Variants in PDZD2 observed in about 807,000 individuals in gnomAD.
PDZD2 encodes PDZ domain-containing protein 2.
PDZD2 carries 90 observed loss-of-function variants against 220.7 expected under a neutral mutation model. That is an observed-to-expected ratio of 0.41 (90% CI 0.34 to 0.49). The LOEUF is 0.49. Ranked by LOEUF, PDZD2 falls within the 20% of genes least tolerant of loss-of-function variation. The pLI is 0.28. For missense variants in PDZD2, 3,174 were observed against 3,608.5 expected, an observed-to-expected ratio of 0.88 and a Z score of 3.08; for synonymous variants, 1,375 against 1,450.5, an observed-to-expected ratio of 0.95 and a Z score of 1.18.
At chr5:31,701,704 T>C (rs763472827) in intron 1 of PDZD2, among the ~76,000 whole-genome samples, 48 of 152,286 alleles carry the variant, frequency 3.2e-4, no homozygotes, top group Middle Eastern at 3.4e-3. Context: ...TGCCACACAT[T>C]TGCATCTGGG....
At chr5:31,892,250 T>C (rs1441451553) in intron 2 of PDZD2, among the ~76,000 whole-genome samples, 1 of 152,118 alleles carries the variant, frequency 6.6e-6, no homozygotes, top group Non-Finnish European at 1.5e-5. Flanking sequence ...TACCTTCTCC[T>C]CAAGGTCTAT....
At chr5:31,846,294 C>A (rs1580877678) in intron 2 of PDZD2, among the ~76,000 whole-genome samples, 1 of 152,260 alleles carries the variant, frequency 6.6e-6, no homozygotes, top group East Asian at 1.9e-4. Context: ...CCACTGCACC[C>A]AGCTAATTTT....
chr5:32,003,796 C>T (rs1306459557), intron 5 of PDZD2, among the ~76,000 whole-genome samples: 4 of 152,198 alleles, frequency 2.6e-5, no homozygotes, highest in African/African-American at 9.6e-5. Context: ...ACTGCAACCT[C>T]TGCGTCCCGA....
chr5:32,100,979 AG>A, intron 23 of PDZD2, 125 bp from the exon 24 acceptor site: 1 of 1,598,670 alleles, frequency 6.3e-7, no homozygotes, highest in South Asian at 1.1e-5. Flanking sequence ...TAAGTGCCCC[AG>A]GGTAGATGGG....
chr5:31,710,748 G>A (rs1748052087), intron 1 of PDZD2, among the ~76,000 whole-genome samples: 3 of 151,886 alleles, frequency 2.0e-5, no homozygotes, highest in Admixed American at 2.0e-4. Flanking sequence ...CCTGGGAGGT[G>A]GAGGTTGCAG....
intron 1 of PDZD2, among the ~76,000 whole-genome samples, chr5:31,737,608 T>C (rs1230309679): frequency 6.6e-6 from 1 of 152,214 alleles, no homozygotes; most frequent in African/African-American, 2.4e-5. Context: ...ACTTCACTTT[T>C]AGCTGTTGTT....
chr5:31,959,362 AGTTT>A lies in PDZD2; in HGVS notation c.477-23784_477-23781del, dbSNP rs562441142. On this transcript the variant is annotated intron_variant, in intron 2 of 24. Transcript: ENST00000438447. ...TTGTACAAGACCACTTATTGTGAAA[AGTTT>A]GTTTGTTTTTGAGACAGAGTCTCAC... 4.1e-3 allele frequency among the ~76,000 whole-genome samples: 619 copies of A among 150,444 alleles called. 4 individuals are homozygous for A. Among genetic ancestry groups the A allele is most frequent in the Non-Finnish European group, 5.3e-3 (357 of 67,748 alleles).
intron 2 of PDZD2, among the ~76,000 whole-genome samples, chr5:31,874,875 AAACAAC>A (rs896387813): frequency 6.6e-6 from 1 of 152,116 alleles, no homozygotes; most frequent in African/African-American, 2.4e-5. Context: ...GTCTTTGTTT[AAACAAC>A]AACAACAACA....
intron 24 of PDZD2, among the ~76,000 whole-genome samples, chr5:32,105,280 C>A (rs577327041): frequency 6.6e-6 from 1 of 152,112 alleles, no homozygotes; most frequent in Non-Finnish European, 1.5e-5. Flanking sequence ...CCAAGAAACA[C>A]AGGAAGATGC....
At chr5:31,842,298 A>C (rs1309790504) in intron 2 of PDZD2, among the ~76,000 whole-genome samples, 1 of 152,210 alleles carries the variant, frequency 6.6e-6, no homozygotes, top group Non-Finnish European at 1.5e-5. Context: ...GTGCCAGTTC[A>C]TTCTAGCTCA....
chr5:31,858,670 C>T (rs1758666333), intron 2 of PDZD2, among the ~76,000 whole-genome samples: 1 of 152,096 alleles, frequency 6.6e-6, no homozygotes, highest in Non-Finnish European at 1.5e-5. Flanking sequence ...GATGTCTTTT[C>T]AGGTTTTTGC....
chr5:31,716,165 T>C (rs1308036152), intron 1 of PDZD2, among the ~76,000 whole-genome samples: 1 of 152,198 alleles, frequency 6.6e-6, no homozygotes, highest in Non-Finnish European at 1.5e-5. Context: ...GCCTCTTTTC[T>C]CTCTTTTGAA....
chr5:31,964,910 G>A lies in PDZD2; in HGVS notation c.477-18245G>A, dbSNP rs546339250. On this transcript the variant is annotated intron_variant, in intron 2 of 24. Transcript: ENST00000438447. ...TTTTTGTATTTTTAGTAGAGACGGG[G>A]TTTACACTGTACCGTGTTAGCCAGG... 6.8e-4 allele frequency among the ~76,000 whole-genome samples: 104 copies of A among 152,212 alleles called. 1 individual carries two copies. The highest frequency in any genetic ancestry group is 6.8e-3 in the Middle Eastern group (2 of 294).
At chr5:31,858,064 G>A (rs1178362464) in intron 2 of PDZD2, among the ~76,000 whole-genome samples, 2 of 152,172 alleles carry the variant, frequency 1.3e-5, no homozygotes, top group East Asian at 1.9e-4. Context: ...GAACTCAGGT[G>A]ATCTGCCCGT....
At chr5:31,950,236 C>T (rs972426343) in intron 2 of PDZD2, among the ~76,000 whole-genome samples, 4 of 152,134 alleles carry the variant, frequency 2.6e-5, no homozygotes, top group Non-Finnish European at 2.9e-5. Context: ...CGAGCCTGGG[C>T]CCATGATCCT....
At chr5:32,024,060 G>T (rs59337097) in intron 6 of PDZD2, among the ~76,000 whole-genome samples, 3,302 of 152,274 alleles carry the variant, frequency 0.022, 118 homozygotes, top group African/African-American at 0.076. Context: ...CACGGTTCTT[G>T]TGATCAAGCA....
At chr5:32,019,099 G>A (rs1039466578) in intron 6 of PDZD2, among the ~76,000 whole-genome samples, 1 of 144,532 alleles carries the variant, frequency 6.9e-6, no homozygotes, top group African/African-American at 2.5e-5. Context: ...GGAGTTTGCA[G>A]TTCTCTAAGT....
chr5:32,031,110 G>T (rs1039351952), intron 6 of PDZD2, among the ~76,000 whole-genome samples: 2 of 152,006 alleles, frequency 1.3e-5, no homozygotes, highest in African/African-American at 4.8e-5. Context: ...TCTTCCCTGT[G>T]GTTTTGACTC....
chr5:31,769,984 A>G (rs548336773), intron 1 of PDZD2, among the ~76,000 whole-genome samples: 1 of 152,316 alleles, frequency 6.6e-6, no homozygotes, highest in South Asian at 2.1e-4. Context: ...CTCTTCGGTC[A>G]TCTCACCAAC....
Sources: gnomAD v4.1 joint callset for allele counts (sites outside exome capture counted in the v4.1 genomes callset) on GRCh38, gnomAD v4.1.1 for gene constraint, MANE v1.5 for transcripts, NCBI Gene and HGNC (gene_info 2026-07-23, HGNC 2026-07-21) for gene names.